STRN3: variants seen among roughly 807,000 people sequenced by gnomAD.
The protein encoded by STRN3 is striatin 3, also known as striatin-3.
STRN3 carries 29 observed loss-of-function variants against 95.6 expected under a neutral mutation model. That is an observed-to-expected ratio of 0.30 (90% CI 0.23 to 0.41). STRN3 has a LOEUF of 0.41. Among genes scored for constraint, STRN3 ranks in the 10% least tolerant of loss-of-function variants. STRN3 has a pLI of 1.00. For missense variants in STRN3, 890 were observed against 972.1 expected (o/e 0.92, Z 1.12); for synonymous variants, 331 against 357.6 (o/e 0.93, Z 0.84).
chr14:30,989,304 C>T (rs182822610), intron 1 of STRN3, among the ~76,000 whole-genome samples: 1 of 152,126 alleles, frequency 6.6e-6, no homozygotes, highest in South Asian at 2.1e-4. Flanking sequence ...GGCACCCATA[C>T]CTGGAAGAGA....
intron 1 of STRN3, among the ~76,000 whole-genome samples, chr14:30,972,797 C>T (rs1326254059): frequency 6.6e-6 from 1 of 152,028 alleles, no homozygotes; most frequent in African/African-American, 2.4e-5. Flanking sequence ...AGAACAAGAC[C>T]CTATCTCTAT....
intron 1 of STRN3, among the ~76,000 whole-genome samples, chr14:30,965,768 C>CAAAAAA (rs57644568): frequency 2.9e-5 from 3 of 103,728 alleles, no homozygotes; most frequent in Non-Finnish European, 2.0e-5. Flanking sequence ...AACTCCATCT[C>CAAAAAA]AAAAAAAAAA....
At chr14:31,018,943 TG>T in intron 1 of STRN3, 1 of 241,464 alleles carries the variant, frequency 4.1e-6, no homozygotes, top group Non-Finnish European at 8.1e-6. Flanking sequence ...GCCAATATGG[TG>T]AAACCCCATC....
intron 8 of STRN3, among the ~76,000 whole-genome samples, chr14:30,920,039 A>T (rs1388149322): frequency 6.6e-6 from 1 of 152,190 alleles, no homozygotes; most frequent in Non-Finnish European, 1.5e-5. Context: ...TTATGACGTT[A>T]TATTTACTAA....
intron 5 of STRN3, among the ~76,000 whole-genome samples, chr14:30,944,562 T>TATATATACAC (rs1879262191): frequency 1.4e-5 from 1 of 72,394 alleles, no homozygotes; most frequent in African/African-American, 4.7e-5. Context: ...CGTATATATA[T>TATATATACAC]ATATATATAC....
At chr14:30,991,394 C>A (rs184144657) in intron 1 of STRN3, among the ~76,000 whole-genome samples, 17 of 152,264 alleles carry the variant, frequency 1.1e-4, no homozygotes, top group African/African-American at 3.4e-4. Flanking sequence ...CCTACCCTCA[C>A]AGAGATTACA....
At chr14:31,012,453 GGCA>G (rs1275074926) in intron 1 of STRN3, among the ~76,000 whole-genome samples, 2 of 152,208 alleles carry the variant, frequency 1.3e-5, no homozygotes, top group African/African-American at 4.8e-5. Context: ...CAGAGTTTGA[GGCA>G]GCAAGACTGA....
chr14:30,910,791 C>T (rs906348674), intron 13 of STRN3, among the ~76,000 whole-genome samples: 17 of 152,098 alleles, frequency 1.1e-4, no homozygotes, highest in Admixed American at 8.5e-4. Flanking sequence ...CTTTTTGTAA[C>T]TACTACCTAA....
At position 30,911,716 on chromosome 14, in the gene STRN3, C is replaced by T. The variant is rs1400195713; in HGVS notation, c.1598+61G>A. On this transcript the variant is annotated intron_variant, in intron 12 of 17. Coordinates refer to ENST00000357479, the MANE Select transcript of STRN3 (RefSeq NM_001083893.2). ...TGAGAAAATTACAAGGTTTGAGGAC[C>T]GATAAATAATATTTAACAATAATGA... 1.2e-5 allele frequency: 18 copies of T among 1,442,312 alleles called. No individual in the cohort carries two copies. The East Asian group carries it at 2.3e-4, about 18-fold the overall frequency. The allele number at this position is 1,442,312 out of a possible 1,614,324, so 89.3% of individuals were successfully genotyped here.
intron 14 of STRN3, among the ~76,000 whole-genome samples, chr14:30,906,184 C>T (rs905635195): frequency 6.6e-6 from 1 of 152,206 alleles, no homozygotes; most frequent in Non-Finnish European, 1.5e-5. Flanking sequence ...GAAACAAATA[C>T]CTAAATGAAT....
In STRN3 at chr14:30,959,646, C is replaced by T. The variant is rs140554080; in HGVS notation, c.283-3404G>A. On this transcript the variant is annotated intron_variant, in intron 1 of 17. Coordinates refer to ENST00000357479, the MANE Select transcript of STRN3 (RefSeq NM_001083893.2). ...AAAGTAACCTCAAAAAACACATTCC[C>T]CATGGCATCAAAAAATAAAAGTACC... 4.7e-3 allele frequency among the ~76,000 whole-genome samples: 720 copies of T among 152,084 alleles called. 6 individuals carry two copies. Among genetic ancestry groups the T allele is most frequent in the African/African-American group, 0.016 (675 of 41,458 alleles).
intron 3 of STRN3, among the ~76,000 whole-genome samples, chr14:30,951,343 C>T (rs1879632173): frequency 6.6e-6 from 1 of 152,020 alleles, no homozygotes; most frequent in Non-Finnish European, 1.5e-5. Flanking sequence ...CTCCAGAGAT[C>T]CCACCTCAGC....
At chr14:31,012,194 ACTCT>A in intron 1 of STRN3, among the ~76,000 whole-genome samples, 1 of 152,188 alleles carries the variant, frequency 6.6e-6, no homozygotes, top group East Asian at 1.9e-4. Context: ...ATCCATTGTT[ACTCT>A]CTCATATTAT....
At position 30,911,056 on chromosome 14, in the gene STRN3, G is replaced by A. The variant is rs1224479439; in HGVS notation, c.1705C>T (p.Pro569Ser). Residue 569 changes from proline (P) to serine (S), a missense_variant, in exon 13 of 18, where the codon CCA becomes TCA. Physicochemically the swap from Pro to Ser is moderately conservative, Grantham distance 74. This residue lies in a region of STRN3 where 357 missense variants were observed against 422.8 expected (regional missense o/e 0.84). Coordinates refer to ENST00000357479, the MANE Select transcript of STRN3 (RefSeq NM_001083893.2). ...TTTTACTTACCATATGTATCATATG[G>A]ATCTACACTGGGACTCGGCATATTC... Reference protein sequence around the residue: ...WWNMPSPSVDPYDTYEPNVLA... With the variant: ...WWNMPSPSVDSYDTYEPNVLA... The A allele has an allele frequency of 1.2e-6, 2 of 1,612,066 alleles. No homozygotes were observed. The highest frequency in any genetic ancestry group is 1.7e-6 in the Non-Finnish European group (2 of 1,179,482).
At chr14:30,915,287 G>A (rs144792659) in intron 9 of STRN3, among the ~76,000 whole-genome samples, 1 of 152,098 alleles carries the variant, frequency 6.6e-6, no homozygotes, top group African/African-American at 2.4e-5. Flanking sequence ...ATATACTATG[G>A]CAAAATAAAA....
At chr14:30,932,768 A>G (rs1043613824) in intron 7 of STRN3, among the ~76,000 whole-genome samples, 1 of 152,210 alleles carries the variant, frequency 6.6e-6, no homozygotes, top group African/African-American at 2.4e-5. Context: ...TATAAATTAA[A>G]TTCCTGAGTT....
At chr14:30,931,231 C>T (rs1476809060) in intron 7 of STRN3, among the ~76,000 whole-genome samples, 3 of 152,006 alleles carry the variant, frequency 2.0e-5, no homozygotes, top group Non-Finnish European at 4.4e-5. Context: ...CTGAAACTTG[C>T]CTGGTAAGTA....
At chr14:30,921,349 A>C (rs887870946) in intron 8 of STRN3, among the ~76,000 whole-genome samples, 5 of 152,246 alleles carry the variant, frequency 3.3e-5, no homozygotes, top group Non-Finnish European at 7.3e-5. Context: ...TCTTCTGTAC[A>C]CATGAACTGG....
At chr14:31,014,869 C>G in intron 1 of STRN3, 1 of 392,712 alleles carries the variant, frequency 2.5e-6, no homozygotes, top group Non-Finnish European at 4.8e-6. Context: ...AGTCTGTCAC[C>G]CAGGCTAAAG....
Sources: gnomAD v4.1 joint callset for allele counts (sites outside exome capture counted in the v4.1 genomes callset) on GRCh38, gnomAD v4.1.1 for gene constraint, gnomAD v4.1.1 regional missense constraint, MANE v1.5 for transcripts, NCBI Gene and HGNC (gene_info 2026-07-23, HGNC 2026-07-21) for gene names.